Variants in CLDN16 observed in about 807,000 individuals in gnomAD.
The protein encoded by CLDN16 is claudin-16.
CLDN16 carries 13 observed loss-of-function variants against 24.6 expected under a neutral mutation model. That is an observed-to-expected ratio of 0.53 (90% CI 0.34 to 0.84). CLDN16 has a LOEUF of 0.84. Ranked by LOEUF, CLDN16 falls within the 40% of genes least tolerant of loss-of-function variation. The pLI, the probability that CLDN16 is intolerant of heterozygous loss-of-function variation, is 0.01. For missense variants in CLDN16, 298 were observed against 292.7 expected (o/e 1.02, Z -0.13); for synonymous variants, 116 against 106.7 (o/e 1.09, Z -0.54).
chr3:190,347,870 G>A (rs1279993566), intron 1 of CLDN16, among the ~76,000 whole-genome samples: 1 of 152,000 alleles, frequency 6.6e-6, no homozygotes, highest in Non-Finnish European at 1.5e-5. Context: ...TGATCTTGTA[G>A]TTTGTAAGGA....
At chr3:190,309,425 C>T in the CLDN16 span, among the ~76,000 whole-genome samples, 1 of 152,178 alleles carries the variant, frequency 6.6e-6, no homozygotes, top group African/African-American at 2.4e-5. Flanking sequence ...TCTTATCTCT[C>T]CAAACACTGA....
chr3:190,384,474 A>C (rs1718439589), upstream of CLDN16, among the ~76,000 whole-genome samples: 1 of 152,166 alleles, frequency 6.6e-6, no homozygotes, highest in East Asian at 1.9e-4. Context: ...CCACGGTGCT[A>C]GATTAAGGGT....
chr3:190,368,511 C>T (rs143958344), intron 1 of CLDN16, among the ~76,000 whole-genome samples: 11 of 151,998 alleles, frequency 7.2e-5, no homozygotes, highest in African/African-American at 2.7e-4. Context: ...TAATTTGTTA[C>T]ACAGTAGTAG....
intron 1 of CLDN16, among the ~76,000 whole-genome samples, chr3:190,340,768 T>C (rs1444047642): frequency 1.3e-5 from 2 of 152,222 alleles, no homozygotes; most frequent in African/African-American, 4.8e-5. Flanking sequence ...GCCCCTTCTG[T>C]CTATGAGCCT....
chr3:190,337,183 G>A (rs1344207690), intron 1 of CLDN16, among the ~76,000 whole-genome samples: 2 of 152,192 alleles, frequency 1.3e-5, no homozygotes, highest in Non-Finnish European at 2.9e-5. Flanking sequence ...ACAGGAGGCA[G>A]GATTTGGGTT....
chr3:190,385,616 C>T (rs2108656210), upstream of CLDN16, among the ~76,000 whole-genome samples: 1 of 151,572 alleles, frequency 6.6e-6, no homozygotes, highest in East Asian at 1.9e-4. Flanking sequence ...GATATGTATG[C>T]ACATGTGTGT....
At chr3:190,306,770 A>T in the CLDN16 span, 2 of 152,816 alleles carry the variant, frequency 1.3e-5, no homozygotes, top group Non-Finnish European at 2.9e-5. Context: ...GAGCACAAAC[A>T]TGTCAGACAC....
At chr3:190,344,223 C>A (rs78228666) in intron 1 of CLDN16, among the ~76,000 whole-genome samples, 1 of 151,914 alleles carries the variant, frequency 6.6e-6, no homozygotes, top group Non-Finnish European at 1.5e-5. Context: ...CTAAATAACA[C>A]CTTCAGAGAA....
In CLDN16 at chr3:190,328,719, T is replaced by C. The variant is rs147007320; in HGVS notation, n.121+6058T>C. 7.5e-3 allele frequency among the ~76,000 whole-genome samples: 1,141 copies of C among 152,272 alleles called. 9 individuals carry two copies. Among genetic ancestry groups the C allele is most frequent in the Middle Eastern group, 0.01 (3 of 294 alleles). ...TTTATATATAAATATAGAGCAGTGT[T>C]ACAAACTGGTGAGTTGCATCTCAAG... On this transcript the variant is annotated intron_variant and non_coding_transcript_variant, in intron 1 of 4. Transcript: ENST00000468220.
chr3:190,321,795 G>A (rs1461147378), upstream of CLDN16, among the ~76,000 whole-genome samples: 3 of 152,200 alleles, frequency 2.0e-5, no homozygotes. Context: ...CAAAACTAGA[G>A]CTTATGCCTG....
intron 1 of CLDN16, among the ~76,000 whole-genome samples, chr3:190,339,759 C>A (rs6768349): frequency 0.039 from 5,979 of 152,164 alleles, 395 homozygotes; most frequent in African/African-American, 0.13. Flanking sequence ...ACTACTCCTG[C>A]GGAGCTTGTA....
chr3:190,312,093 G>A, the CLDN16 span, among the ~76,000 whole-genome samples: 1 of 151,724 alleles, frequency 6.6e-6, no homozygotes, highest in Non-Finnish European at 1.5e-5. Flanking sequence ...ACCACACCCA[G>A]CTAATTTTTG....
At chr3:190,326,032 G>A (rs2108619776) in intron 1 of CLDN16, among the ~76,000 whole-genome samples, 1 of 152,212 alleles carries the variant, frequency 6.6e-6, no homozygotes, top group Non-Finnish European at 1.5e-5. Context: ...GAGGGGTAGT[G>A]GTTAAAAGCA....
chr3:190,295,347 T>C, the CLDN16 span, among the ~76,000 whole-genome samples: 1 of 152,172 alleles, frequency 6.6e-6, no homozygotes, highest in Non-Finnish European at 1.5e-5. Flanking sequence ...AGAATCTTTA[T>C]AAAAGCAAAT....
chr3:190,402,392 G>C lies in CLDN16; in HGVS notation c.170G>C (p.Gly57Ala). The change falls in exon 2 of 5, where the codon GGG becomes GCG. Residue 57 changes from glycine to alanine, a missense_variant. Physicochemically the swap from Gly to Ala is moderately conservative, Grantham distance 60. Transcript: ENST00000264734. ...GAATGCGTCACAAATGCTTTTGATG[G>C]GATTCGCACCTGTGATGAGTACGAT... ...WWECVTNAFD[G>A]IRTCDEYDSI... The C allele has an allele frequency of 6.2e-7, 1 of 1,613,988 alleles. No individual in the cohort carries two copies. The highest frequency in any genetic ancestry group is 8.5e-7 in the Non-Finnish European group (1 of 1,180,006).
At chr3:190,320,065 A>AGT (rs200480604), upstream of CLDN16, among the ~76,000 whole-genome samples, 519 of 148,266 alleles carry the variant, frequency 3.5e-3, 4 homozygotes, top group African/African-American at 0.013. Flanking sequence ...ACATCTCTAA[A>AGT]GTGTGTGTGG....
At chr3:190,297,591 CTATATAA>C in the CLDN16 span, among the ~76,000 whole-genome samples, 1 of 131,196 alleles carries the variant, frequency 7.6e-6, no homozygotes, top group African/African-American at 2.9e-5. Flanking sequence ...TAATATATAT[CTATATAA>C]TATATATCTA....
intron 3 of CLDN16, among the ~76,000 whole-genome samples, chr3:190,379,385 G>A (rs765603090): frequency 1.3e-5 from 2 of 152,110 alleles, no homozygotes; most frequent in South Asian, 2.1e-4. Context: ...AAAATCTATC[G>A]AGAGCCTAAA....
At chr3:190,300,535 A>G in the CLDN16 span, among the ~76,000 whole-genome samples, 3 of 152,206 alleles carry the variant, frequency 2.0e-5, no homozygotes, top group Admixed American at 2.0e-4. Flanking sequence ...AATGATTTAC[A>G]TATTTCGAAG....
Sources: allele counts gnomAD v4.1 joint callset (sites outside exome capture counted in the v4.1 genomes callset), GRCh38; gene constraint gnomAD v4.1.1; transcripts MANE v1.5; gene names NCBI Gene and HGNC (gene_info 2026-07-23, HGNC 2026-07-21).